Variants in KIAA0825 observed in about 807,000 individuals in gnomAD.
KIAA0825 encodes KIAA0825, also known as uncharacterized protein KIAA0825.
Under a neutral mutation model 147.6 loss-of-function variants are expected in KIAA0825, and 119 were observed. The observed-to-expected ratio is 0.81, with a 90% confidence interval of 0.69 to 0.94. The LOEUF (loss-of-function observed/expected upper bound fraction) is 0.94, where lower values mean the gene tolerates loss of function less well. KIAA0825 is among the 40% of genes least tolerant of loss of function. The pLI is 0.00. For synonymous variants in KIAA0825, 470 were observed against 518.1 expected, an observed-to-expected ratio of 0.91 and a Z score of 1.26; for missense variants, 1,381 against 1,472.7, an observed-to-expected ratio of 0.94 and a Z score of 1.02.
intron 12 of KIAA0825, among the ~76,000 whole-genome samples, chr5:94,458,022 AATG>A: frequency 6.6e-6 from 1 of 152,300 alleles, no homozygotes; most frequent in Non-Finnish European, 1.5e-5. Context: ...TGTGAAACTG[AATG>A]ACTAAGATAG....
At chr5:94,528,326 A>C (rs1262486820) in intron 3 of KIAA0825, among the ~76,000 whole-genome samples, 1 of 152,180 alleles carries the variant, frequency 6.6e-6, no homozygotes, top group African/African-American at 2.4e-5. Flanking sequence ...TGAGCAACAC[A>C]GTATGAAAGA....
chr5:94,306,437 G>C (rs1778740022), intron 20 of KIAA0825, among the ~76,000 whole-genome samples: 1 of 151,914 alleles, frequency 6.6e-6, no homozygotes, highest in East Asian at 1.9e-4. Context: ...GAAAAATCCA[G>C]CACCATATTA....
At chr5:94,313,976 C>T (rs1779413204) in intron 20 of KIAA0825, among the ~76,000 whole-genome samples, 1 of 151,454 alleles carries the variant, frequency 6.6e-6, no homozygotes, top group Non-Finnish European at 1.5e-5. Context: ...TGATAATGGG[C>T]CTTAAATCAG....
intron 14 of KIAA0825, among the ~76,000 whole-genome samples, chr5:94,419,529 T>A (rs1753901850): frequency 6.6e-6 from 1 of 152,166 alleles, no homozygotes; most frequent in South Asian, 2.1e-4. Context: ...TTTATTTGCT[T>A]GTAAATGTGC....
rs1482259393 is a variant in KIAA0825 at position 94,473,465 on chromosome 5, T to C, written c.1282A>G (p.Met428Val). 6.4e-7 allele frequency: 1 copy of C among 1,551,832 alleles called. No individual in the cohort carries two copies. The highest frequency in any genetic ancestry group is 2.0e-5 in the Admixed American group (1 of 51,012). Residue 428 changes from methionine (M) to valine (V), a missense_variant, in exon 8 of 21, where the codon ATG (methionine) becomes GTG (valine). By Grantham distance (21) the Met-to-Val change is conservative (BLOSUM62 1). Transcript: ENST00000682413. The stretch of plus-strand genomic sequence containing the variant: ...ATTGCAGTTACTACGCAGTGCGCCA[T>C]GGGAAGAGACACTTCTTTAAATGCA... Reference protein sequence around the residue: ...RSAFKEVSLPMAHCVVTAIEG... With the variant: ...RSAFKEVSLPVAHCVVTAIEG...
intron 20 of KIAA0825, among the ~76,000 whole-genome samples, chr5:94,224,072 TTTTTC>T (rs1562321438): frequency 1.4e-5 from 2 of 146,648 alleles, no homozygotes; most frequent in African/African-American, 5.0e-5. Flanking sequence ...TTTCTCTTTC[TTTTTC>T]TTTTCTTTTT....
chr5:94,503,846 A>G (rs990592868), intron 5 of KIAA0825, among the ~76,000 whole-genome samples: 25 of 152,186 alleles, frequency 1.6e-4, no homozygotes, highest in Non-Finnish European at 7.4e-5. Flanking sequence ...GCATTCTCCA[A>G]TCTTGGCCAT....
At chr5:94,419,281 C>CAAAA (rs1206960600) in intron 14 of KIAA0825, among the ~76,000 whole-genome samples, 1 of 152,178 alleles carries the variant, frequency 6.6e-6, no homozygotes, top group Non-Finnish European at 1.5e-5. Context: ...GCAAATATTC[C>CAAAA]TAATCCAGGC....
intron 15 of KIAA0825, among the ~76,000 whole-genome samples, chr5:94,412,237 T>C (rs950224244): frequency 1.5e-4 from 23 of 152,106 alleles, no homozygotes; most frequent in African/African-American, 5.6e-4. Context: ...ATGAAGGAAA[T>C]GTAAATTAAA....
intron 14 of KIAA0825, among the ~76,000 whole-genome samples, chr5:94,431,758 C>T (rs997860968): frequency 6.6e-6 from 1 of 152,146 alleles, no homozygotes; most frequent in East Asian, 1.9e-4. Context: ...AGCAGCTGCC[C>T]CTTTCTTCAA....
chr5:94,588,535 A>G (rs1783752971), intron 1 of KIAA0825, among the ~76,000 whole-genome samples: 2 of 152,196 alleles, frequency 1.3e-5, no homozygotes, highest in South Asian at 2.1e-4. Context: ...AAGTCGGGAA[A>G]CAACAGATGC....
At chr5:94,521,841 G>A (rs1487490042) in intron 4 of KIAA0825, among the ~76,000 whole-genome samples, 1 of 151,622 alleles carries the variant, frequency 6.6e-6, no homozygotes, top group Non-Finnish European at 1.5e-5. Flanking sequence ...CTGATTACAA[G>A]AGAAATGAAA....
At chr5:94,235,787 A>T (rs75388603) in intron 20 of KIAA0825, among the ~76,000 whole-genome samples, 2 of 152,112 alleles carry the variant, frequency 1.3e-5, no homozygotes, top group East Asian at 1.9e-4. Context: ...ACCATTCCAA[A>T]AATCCTAGGG....
At chr5:94,490,088 G>T (rs1039741306) in intron 5 of KIAA0825, among the ~76,000 whole-genome samples, 1 of 152,072 alleles carries the variant, frequency 6.6e-6, no homozygotes, top group African/African-American at 2.4e-5. Flanking sequence ...AAGAGGAACT[G>T]CTGTTAGGAA....
At chr5:94,401,671 G>A (rs189219547) in intron 16 of KIAA0825, among the ~76,000 whole-genome samples, 6 of 152,152 alleles carry the variant, frequency 3.9e-5, no homozygotes, top group Non-Finnish European at 8.8e-5. Flanking sequence ...TGAGATTTTA[G>A]TGAAGTTTAA....
At chr5:94,348,400 A>C (rs1783250544) in intron 20 of KIAA0825, among the ~76,000 whole-genome samples, 1 of 152,222 alleles carries the variant, frequency 6.6e-6, no homozygotes, top group Non-Finnish European at 1.5e-5. Flanking sequence ...ATACGGAAGC[A>C]CTAGGTAACC....
At chr5:94,594,023 G>C in intron 1 of KIAA0825, 1 of 518,852 alleles carries the variant, frequency 1.9e-6, no homozygotes. Context: ...CCACCTCAAA[G>C]GGATGAAGTT....
At chr5:94,213,858 C>T (rs1772969231) in intron 20 of KIAA0825, among the ~76,000 whole-genome samples, 1 of 152,134 alleles carries the variant, frequency 6.6e-6, no homozygotes, top group Admixed American at 6.6e-5. Context: ...CCAGGAAGCA[C>T]CTGTACTTCT....
intron 20 of KIAA0825, among the ~76,000 whole-genome samples, chr5:94,240,799 C>T (rs1327254518): frequency 6.6e-6 from 1 of 152,064 alleles, no homozygotes; most frequent in East Asian, 1.9e-4. Flanking sequence ...CTTAGCTCAC[C>T]GTAAGTAAAT....
Sources: gnomAD v4.1 joint callset for allele counts (sites outside exome capture counted in the v4.1 genomes callset) on GRCh38, gnomAD v4.1.1 for gene constraint, MANE v1.5 for transcripts, NCBI Gene and HGNC (gene_info 2026-07-23, HGNC 2026-07-21) for gene names.